RANBP9: variants seen among roughly 807,000 people sequenced by gnomAD.
RANBP9 encodes the protein RAN binding protein 9, also known as ran-binding protein 9.
RANBP9 carries 15 observed loss-of-function variants against 84.3 expected under a neutral mutation model. The ratio of observed to expected loss-of-function variants is 0.18; its 90% confidence interval spans 0.12 to 0.27. The LOEUF (loss-of-function observed/expected upper bound fraction) is 0.27, where lower values mean the gene tolerates loss of function less well. RANBP9 is among the 10% of genes least tolerant of loss of function. RANBP9 has a pLI of 1.00. For synonymous variants in RANBP9, 392 were observed against 349.6 expected (o/e 1.12, Z -1.35); for missense variants, 809 against 912.8 (o/e 0.89, Z 1.46).
At chr6:13,636,955 G>A (rs1248331266) in intron 10 of RANBP9, among the ~76,000 whole-genome samples, 1 of 152,084 alleles carries the variant, frequency 6.6e-6, no homozygotes, top group Non-Finnish European at 1.5e-5. Flanking sequence ...AAGAAAATGT[G>A]GCACTGATGA....
chr6:13,628,615 C>T (rs1388216375), intron 12 of RANBP9, among the ~76,000 whole-genome samples: 1 of 152,142 alleles, frequency 6.6e-6, no homozygotes, highest in Non-Finnish European at 1.5e-5. Context: ...ACAAAACTAA[C>T]AGAGCCTTAA....
chr6:13,641,347 A>G lies in RANBP9; in HGVS notation c.1226-40T>C, dbSNP rs367697841. The G allele has an allele frequency of 3.4e-4, 434 of 1,290,650 alleles. 3 individuals carry two copies. The highest frequency in any genetic ancestry group is 3.1e-3 in the South Asian group (234 of 74,944). The allele number at this position is 1,290,650 out of a possible 1,614,324, so 79.9% of individuals were successfully genotyped here. A position where few individuals can be genotyped will look rare whatever the true frequency, so the allele number is the denominator to read the frequency against. Reference sequence around the variant, plus strand: ...AAAGCAAACGATTAACTTTTACAAAAGTAGATAAAACATAAACTTAGTGAC... The same window carrying G: ...AAAGCAAACGATTAACTTTTACAAAGGTAGATAAAACATAAACTTAGTGAC... On this transcript the variant is annotated intron_variant, in intron 7 of 13. Transcript: ENST00000011619.
chr6:13,641,438 ACAT>A, intron 7 of RANBP9, 131 bp from the exon 8 acceptor site: 1 of 602,776 alleles, frequency 1.7e-6, no homozygotes, highest in Admixed American at 3.7e-5. Context: ...TCTTTCTCTA[ACAT>A]CATAGTTTCC....
At chr6:13,704,549 T>A (rs1018094751) in intron 1 of RANBP9, among the ~76,000 whole-genome samples, 2 of 151,996 alleles carry the variant, frequency 1.3e-5, no homozygotes, top group African/African-American at 4.8e-5. Context: ...GAGGATCACT[T>A]GAGCCCAGGA....
intron 12 of RANBP9, among the ~76,000 whole-genome samples, chr6:13,630,552 G>A (rs1448108119): frequency 2.6e-5 from 4 of 151,398 alleles, no homozygotes; most frequent in Admixed American, 1.3e-4. Flanking sequence ...TTCCAAATAT[G>A]CCCTAAAACA....
At position 13,711,450 on chromosome 6, in the gene RANBP9, A is replaced by AGCT. The variant is rs761618268; in HGVS notation, c.53_55dup (p.Gln18dup). 33 of 1,215,658 alleles carry AGCT rather than the reference A, an allele frequency of 2.7e-5. No individual in the cohort carries two copies. Among genetic ancestry groups the AGCT allele is most frequent in the Middle Eastern group, 3.3e-4 (1 of 3,028 alleles). The allele number at this position is 1,215,658 out of a possible 1,614,324, so 75.3% of individuals were successfully genotyped here. Reference sequence around the variant, plus strand: ...CAAGGCCGCCGGCGGTGGCGGCGACAGCTGCTGCTGCTGTTGCTGCTGCTG... The same window carrying AGCT: ...CAAGGCCGCCGGCGGTGGCGGCGACAGCTGCTGCTGCTGCTGTTGCTGCTGCTG... On this transcript the variant is annotated inframe_insertion, in exon 1 of 14. Transcript: ENST00000011619.
chr6:13,687,150 T>C (rs1263809828), intron 2 of RANBP9, among the ~76,000 whole-genome samples: 1 of 152,208 alleles, frequency 6.6e-6, no homozygotes, highest in African/African-American at 2.4e-5. Context: ...TTACATTACA[T>C]ACTTGGGTGA....
At chr6:13,638,860 G>A (rs114126220) in intron 9 of RANBP9, among the ~76,000 whole-genome samples, 3 of 152,018 alleles carry the variant, frequency 2.0e-5, no homozygotes, top group African/African-American at 7.3e-5. Context: ...GGTTGGGGGT[G>A]GGGGGAGAGG....
intron 2 of RANBP9, among the ~76,000 whole-genome samples, chr6:13,696,160 T>C (rs905492525): frequency 6.6e-6 from 1 of 152,286 alleles, no homozygotes; most frequent in South Asian, 2.1e-4. Flanking sequence ...AATCCTAATT[T>C]AGGAACTTTT....
chr6:13,639,418 T>A, intron 9 of RANBP9, 145 bp downstream of exon 9: 1 of 802,712 alleles, frequency 1.2e-6, no homozygotes, highest in Non-Finnish European at 1.9e-6. Flanking sequence ...GACCTCGTGA[T>A]CCGCCCACCC....
In RANBP9 at chr6:13,711,771, A is replaced by G. The variant is rs916010051; in HGVS notation, c.-266T>C. Among the ~76,000 whole-genome samples, 28 of 145,578 alleles carry G rather than the reference A, an allele frequency of 1.9e-4. No homozygotes were observed. The highest frequency in any genetic ancestry group is 7.0e-4 in the African/African-American group (28 of 40,214). ...GGACGAGGCGCCGAGGGCGGGGGCG[A>G]CGCGGGAGCGCGGGAGGGGAAGGCG... On this transcript the variant is annotated 5_prime_UTR_variant, in exon 1 of 14. Coordinates refer to ENST00000011619, the MANE Select transcript of RANBP9 (RefSeq NM_005493.3).
At chr6:13,626,858 T>TG (rs975157495) in intron 12 of RANBP9, among the ~76,000 whole-genome samples, 8 of 152,044 alleles carry the variant, frequency 5.3e-5, no homozygotes, top group African/African-American at 1.9e-4. Context: ...AAAGCAGAGG[T>TG]GGGGGAAAGG....
chr6:13,696,053 T>C (rs1318709118), intron 2 of RANBP9, among the ~76,000 whole-genome samples: 2 of 152,188 alleles, frequency 1.3e-5, no homozygotes, highest in Non-Finnish European at 2.9e-5. Context: ...ATAGATCCAA[T>C]GATTCTAGGT....
intron 2 of RANBP9, among the ~76,000 whole-genome samples, chr6:13,668,008 A>G (rs574111015): frequency 7.9e-5 from 12 of 152,254 alleles, no homozygotes; most frequent in Admixed American, 2.6e-4. Flanking sequence ...TAGGGGAGAA[A>G]TAAGAGGAGA....
intron 2 of RANBP9, among the ~76,000 whole-genome samples, chr6:13,674,796 T>TTTC (rs1175799315): frequency 6.6e-6 from 1 of 152,214 alleles, no homozygotes; most frequent in Non-Finnish European, 1.5e-5. Context: ...AGGGAGCCCT[T>TTTC]TTCTTCTTCT....
chr6:13,645,697 C>T (rs1765163235), intron 5 of RANBP9, among the ~76,000 whole-genome samples: 1 of 152,170 alleles, frequency 6.6e-6, no homozygotes, highest in South Asian at 2.1e-4. Flanking sequence ...GATACCACAT[C>T]CAAAACTGAT....
intron 8 of RANBP9, among the ~76,000 whole-genome samples, chr6:13,640,028 C>T (rs953986402): frequency 1.3e-5 from 2 of 152,050 alleles, no homozygotes; most frequent in African/African-American, 4.8e-5. Flanking sequence ...AAGATATGAA[C>T]CCCATTTTTT....
chr6:13,695,175 G>A (rs996267233), intron 2 of RANBP9, among the ~76,000 whole-genome samples: 3 of 152,054 alleles, frequency 2.0e-5, no homozygotes, highest in Non-Finnish European at 4.4e-5. Flanking sequence ...CTCAAAAAAC[G>A]GGTAGAGGCA....
chr6:13,683,953 A>G (rs574916756), intron 2 of RANBP9, among the ~76,000 whole-genome samples: 5 of 152,112 alleles, frequency 3.3e-5, no homozygotes, highest in Admixed American at 6.5e-5. Context: ...TAAATAACCA[A>G]TTTTTCTCTC....
Sources: allele counts gnomAD v4.1 joint callset (sites outside exome capture counted in the v4.1 genomes callset), GRCh38; gene constraint gnomAD v4.1.1; transcripts MANE v1.5; gene names NCBI Gene and HGNC (gene_info 2026-07-23, HGNC 2026-07-21).